Variants in ZNF827 observed in about 807,000 individuals in gnomAD.
ZNF827 encodes zinc finger protein 827.
In ZNF827, 13 loss-of-function variants were observed where a neutral mutation model predicts 102.4. The observed-to-expected ratio is 0.13, with a 90% CI of 0.08 to 0.20. ZNF827 has a LOEUF of 0.20. Among genes scored for constraint, ZNF827 ranks in the 10% least tolerant of loss-of-function variants. ZNF827 has a pLI of 1.00. For missense variants in ZNF827, 1,103 were observed against 1,344.4 expected, an observed-to-expected ratio of 0.82 and a Z score of 2.81; for synonymous variants, 523 against 536.2, an observed-to-expected ratio of 0.98 and a Z score of 0.34.
chr4:145,810,004 C>T (rs528590090), intron 8 of ZNF827, among the ~76,000 whole-genome samples: 2 of 152,320 alleles, frequency 1.3e-5, no homozygotes, highest in African/African-American at 4.8e-5. Context: ...AAGGACCCAT[C>T]AGGCAATTAC....
At chr4:145,880,743 A>G (rs1205010264) in intron 4 of ZNF827, among the ~76,000 whole-genome samples, 1 of 151,976 alleles carries the variant, frequency 6.6e-6, no homozygotes, top group East Asian at 1.9e-4. Context: ...ATCACCAGAA[A>G]AGCAAGGCAG....
chr4:145,775,237 G>A (rs1736879977), intron 10 of ZNF827, among the ~76,000 whole-genome samples: 1 of 152,110 alleles, frequency 6.6e-6, no homozygotes, highest in Admixed American at 6.5e-5. Flanking sequence ...AATCAGTATG[G>A]CAACTCTCTA....
chr4:145,932,571 T>C (rs1308530302), intron 1 of ZNF827, among the ~76,000 whole-genome samples: 1 of 150,798 alleles, frequency 6.6e-6, no homozygotes, highest in Non-Finnish European at 1.5e-5. Context: ...GCCTCCCGGG[T>C]TCGCGCCATT....
intron 1 of ZNF827, chr4:145,907,251 C>T (rs1489437005): frequency 2.2e-6 from 1 of 455,058 alleles, no homozygotes; most frequent in African/African-American, 2.0e-5. Context: ...CATGTCCAAT[C>T]TCATAATGGA....
Position 145,849,451 on chromosome 4 carries a change from T to A in ZNF827, c.2092A>T (p.Thr698Ser), listed in dbSNP as rs2126656089. 12 of 1,614,178 alleles carry A rather than the reference T, an allele frequency of 7.4e-6. No homozygotes were observed. Among genetic ancestry groups the A allele is most frequent in the Non-Finnish European group, 6.8e-6 (8 of 1,180,028 alleles). Residue 698 changes from threonine to serine, a missense_variant, in exon 6 of 15, where the codon ACT (threonine) becomes TCT (serine). By Grantham distance (58) the Thr-to-Ser change is moderately conservative (BLOSUM62 1). Transcript: ENST00000508784. ...TCGGTTTTCTCTCGCCCGATTAAAG[T>A]GCTGTAGCCAACATTCCGGCTGGGT... ...ISPSRNVGYS[T>S]LIGREKTEPL...
chr4:145,761,744 CAG>C lies in ZNF827; in HGVS notation c.*18-148_*18-147del, dbSNP rs1560882137. On this transcript the variant is annotated intron_variant, in intron 14 of 14. Transcript: ENST00000508784. This position sits in a 1 kb window ranked among gnomAD's most constrained non-coding sequence, Gnocchi z 6.8. Reference sequence around the variant, plus strand: ...AGCCCAGCCCAGCCCTGCCGCCTCTCAGGGGTGGAACGGCCCTTTTTGGCTCT... The same window carrying C: ...AGCCCAGCCCAGCCCTGCCGCCTCTCGGGTGGAACGGCCCTTTTTGGCTCT... 2 of 446,884 alleles carry C rather than the reference CAG, an allele frequency of 4.5e-6. No individual in the cohort carries two copies. The highest frequency in any genetic ancestry group is 4.1e-5 in the African/African-American group (2 of 48,236). 27.7% of individuals were successfully genotyped at this position (446,884 alleles called of 1,614,324 possible). A position where few individuals can be genotyped will look rare whatever the true frequency, so the allele number is the denominator to read the frequency against.
intron 7 of ZNF827, chr4:145,831,581 C>T (rs1368299599): frequency 1.3e-5 from 2 of 152,216 alleles, no homozygotes; most frequent in Admixed American, 1.3e-4. Flanking sequence ...GTTTCCTCTC[C>T]TCCAATTCCG....
At chr4:145,922,299 C>A (rs1753129572) in intron 1 of ZNF827, among the ~76,000 whole-genome samples, 1 of 152,158 alleles carries the variant, frequency 6.6e-6, no homozygotes, top group Non-Finnish European at 1.5e-5. Context: ...CAGGGATCCT[C>A]AAGATCAAAA....
intron 8 of ZNF827, among the ~76,000 whole-genome samples, chr4:145,789,081 C>A (rs1739298891): frequency 6.6e-6 from 1 of 152,204 alleles, no homozygotes; most frequent in Non-Finnish European, 1.5e-5. Flanking sequence ...TTCACTCTGC[C>A]TCCTCCTTCT....
chr4:145,938,606 T>C lies in ZNF827; in HGVS notation c.-199A>G. The C allele has an allele frequency of 5.6e-6, 3 of 539,192 alleles. No individual in the cohort carries two copies. In the South Asian group the frequency reaches 7.5e-5, roughly 14 times the overall value. 33.4% of individuals were successfully genotyped at this position (539,192 alleles called of 1,614,324 possible). ...CCAGAAGAGGGGTTTTCTTCTTTTC[T>C]TTCCTTTCTTTTTTCCTTTTTTTTT... is the stretch of plus-strand genomic sequence containing the variant. On this transcript the variant is annotated 5_prime_UTR_variant, in exon 1 of 15. Coordinates refer to ENST00000508784, the MANE Select transcript of ZNF827 (RefSeq NM_001306215.2).
intron 5 of ZNF827, among the ~76,000 whole-genome samples, chr4:145,860,054 C>T (rs949227428): frequency 6.6e-6 from 1 of 152,142 alleles, no homozygotes; most frequent in Non-Finnish European, 1.5e-5. Context: ...TTCTTCACAG[C>T]TCTTTGGAAA....
intron 7 of ZNF827, among the ~76,000 whole-genome samples, chr4:145,826,648 G>A (rs541865897): frequency 4.7e-4 from 71 of 152,282 alleles, no homozygotes; most frequent in African/African-American, 1.7e-3. Flanking sequence ...CTCTTACTAT[G>A]CCTAATTTAT....
rs1275445764 is a variant in ZNF827 at position 145,765,039 on chromosome 4, T to C, written c.3179A>G (p.Glu1060Gly). Residue 1060 changes from glutamate to glycine, a missense_variant, in exon 13 of 15, where the codon GAA (glutamate) becomes GGA (glycine). By Grantham distance (98) the Glu-to-Gly change is moderately conservative. Transcript: ENST00000508784. This position sits in a 1 kb window ranked among gnomAD's most constrained non-coding sequence, Gnocchi z 4.7. ...GCATTTCTTATGCTCCAGCAGCTGTTCGGGGGTCTTCATGAACTTGTGGCA... is the reference window on the plus strand; with the variant it reads ...GCATTTCTTATGCTCCAGCAGCTGTCCGGGGGTCTTCATGAACTTGTGGCA... ...DVCHKFMKTP[E>G]QLLEHKKCHT... is the part of the protein sequence containing the mutation. 1.2e-6 allele frequency: 2 copies of C among 1,614,076 alleles called. No homozygotes were observed. Among genetic ancestry groups the C allele is most frequent in the Non-Finnish European group, 1.7e-6 (2 of 1,180,032 alleles).
At position 145,820,848 on chromosome 4, in the gene ZNF827, C is replaced by T. The variant is rs549440759; in HGVS notation, c.2383+2574G>A. On this transcript the variant is annotated intron_variant, in intron 8 of 14. Transcript: ENST00000508784. ...TTTCTTTTCATTTTTTCCTTTCACACTCCAATCTTATTATCCCAGATGAAA... is the reference window on the plus strand; with the variant it reads ...TTTCTTTTCATTTTTTCCTTTCACATTCCAATCTTATTATCCCAGATGAAA... Among the ~76,000 whole-genome samples, 6 of 152,322 alleles carry T rather than the reference C, an allele frequency of 3.9e-5. No individual in the cohort carries two copies. The South Asian group carries it at 1.0e-3, about 26-fold the overall frequency.
At chr4:145,890,882 T>C (rs566681026) in intron 3 of ZNF827, among the ~76,000 whole-genome samples, 66 of 152,346 alleles carry the variant, frequency 4.3e-4, no homozygotes, top group African/African-American at 1.5e-3. Context: ...AGGCAAATGA[T>C]AGAAAACAAA....
chr4:145,869,151 T>C (rs922215607), intron 5 of ZNF827, among the ~76,000 whole-genome samples: 2 of 152,254 alleles, frequency 1.3e-5, no homozygotes, highest in South Asian at 4.1e-4. Flanking sequence ...ACAAATCATG[T>C]TACCTTGAAC....
intron 7 of ZNF827, among the ~76,000 whole-genome samples, chr4:145,841,550 A>T (rs1745419036): frequency 6.6e-6 from 1 of 152,194 alleles, no homozygotes; most frequent in Non-Finnish European, 1.5e-5. Flanking sequence ...CTCATTTGTC[A>T]GATAGAGTGG....
chr4:145,823,347 T>A, intron 8 of ZNF827, 75 bp downstream of exon 8: 3 of 1,283,436 alleles, frequency 2.3e-6, no homozygotes, highest in African/African-American at 1.5e-5. Flanking sequence ...TGAAAGTATC[T>A]GAAAATTCAC....
intron 7 of ZNF827, among the ~76,000 whole-genome samples, chr4:145,827,828 T>G (rs1245534636): frequency 2.0e-5 from 3 of 152,228 alleles, no homozygotes; most frequent in Non-Finnish European, 4.4e-5. Context: ...CAGAAGACAC[T>G]CCATGTGTAA....
Sources: gnomAD v4.1 joint callset for allele counts (sites outside exome capture counted in the v4.1 genomes callset) on GRCh38, gnomAD v4.1.1 for gene constraint, Gnocchi (gnomAD v3.1) non-coding constraint, MANE v1.5 for transcripts, NCBI Gene and HGNC (gene_info 2026-07-23, HGNC 2026-07-21) for gene names.